MYO1C: variants seen among roughly 807,000 people sequenced by gnomAD.
MYO1C encodes the protein myosin IC, also known as unconventional myosin-Ic.
In MYO1C, 104 loss-of-function variants were observed where a neutral mutation model predicts 150.8. The ratio of observed to expected loss-of-function variants is 0.69; its 90% CI spans 0.59 to 0.81. MYO1C has a LOEUF of 0.81. MYO1C is among the 30% of genes least tolerant of loss of function. The pLI is 0.00. For missense variants in MYO1C, 1,504 were observed against 1,435.0 expected (o/e 1.05, Z -0.78); for synonymous variants, 663 against 579.9 (o/e 1.14, Z -2.06).
chr17:1,480,900 G>C lies in MYO1C; in HGVS notation c.628-15C>G. 1.9e-6 allele frequency: 3 copies of C among 1,613,392 alleles called. No homozygotes were observed. The highest frequency in any genetic ancestry group is 2.5e-6 in the Non-Finnish European group (3 of 1,179,908). On this transcript the variant is annotated splice_polypyrimidine_tract_variant and intron_variant, in intron 5 of 31. Coordinates refer to ENST00000648651, the MANE Select transcript of MYO1C (RefSeq NM_001080779.2). ...ACGGGGGCACCCTGTGGGCAGGGCA[G>C]GGCATGAGGCCGGGTCACGGGGACT... is the stretch of plus-strand genomic sequence containing the variant.
rs766246646 is a variant in MYO1C, at chr17:1,464,755, C to G, written c.*971G>C. 6.6e-6 allele frequency: 1 copy of G among 152,206 alleles called. No individual in the cohort carries two copies. Among genetic ancestry groups the G allele is most frequent in the Non-Finnish European group, 1.5e-5 (1 of 68,066 alleles). The allele number at this position is 152,206 out of a possible 1,614,324, so 9.4% of individuals were successfully genotyped here. ...GTCTTCCAACCTCTATGGTCTAAGA[C>G]GGCCTTCCCCACTCCAGCACTGCCT... On this transcript the variant is annotated 3_prime_UTR_variant, in exon 32 of 32. Coordinates refer to ENST00000648651, the MANE Select transcript of MYO1C (RefSeq NM_001080779.2).
chr17:1,478,979 T>C lies in MYO1C; in HGVS notation c.1093-244A>G, dbSNP rs1301332857. 6.6e-6 allele frequency among the ~76,000 whole-genome samples: 1 copy of C among 152,152 alleles called. No homozygotes were observed. The highest frequency in any genetic ancestry group is 1.5e-5 in the Non-Finnish European group (1 of 68,018). On this transcript the variant is annotated intron_variant, in intron 9 of 31. Coordinates refer to ENST00000648651, the MANE Select transcript of MYO1C (RefSeq NM_001080779.2). The surrounding 1 kb of genome is among the most constrained non-coding windows in gnomAD (Gnocchi z 6.3). The stretch of plus-strand genomic sequence containing the variant: ...TGGGAGTCTGGTTCTAGCCGGACTG[T>C]TACTCTCTTCCTATGTGACCCTGGC...
At position 1,484,208 on chromosome 17, in the gene MYO1C, G is replaced by A. The variant is rs1192729780; in HGVS notation, c.171C>T (p.Phe57=). ...GVQDFVLLEN[F]TSEAAFIENL... ...TCTCGATGAAGGCGGCCTCGCTGGT[G>A]AAGTTCTCCAGCAGCACGAAATCCT... is the stretch of plus-strand genomic sequence containing the variant. The change falls in exon 2 of 32, where the codon TTC becomes TTT. Residue 57 remains phenylalanine, a synonymous_variant. Transcript: ENST00000648651. 1.9e-6 allele frequency: 3 copies of A among 1,612,980 alleles called. No homozygotes were observed. The highest frequency in any genetic ancestry group is 2.5e-6 in the Non-Finnish European group (3 of 1,180,030).
At chr17:1,474,576 T>G (rs768856118) in intron 17 of MYO1C, 34 bp downstream of exon 17, 1 of 1,599,812 alleles carries the variant, frequency 6.3e-7, no homozygotes, top group Non-Finnish European at 8.6e-7. Context: ...CTCAGGCGCA[T>G]GCACCCCTGC....
At position 1,478,372 on chromosome 17, in the gene MYO1C, G is replaced by C. The variant is rs867228207; in HGVS notation, c.1295+38C>G. ...GGACAGAAGAGAGGGAGCAGGACAG[G>C]AGACCGGGAGGAGAGACGGGGGAAA... On this transcript the variant is annotated intron_variant, in intron 11 of 31. Transcript: ENST00000648651. This position sits in a 1 kb window ranked among gnomAD's most constrained non-coding sequence, Gnocchi z 6.3. 3 of 1,611,728 alleles carry C rather than the reference G, an allele frequency of 1.9e-6. No homozygotes were observed. In the Middle Eastern group the frequency reaches 5.0e-4, roughly 266 times the overall value.
In MYO1C at chr17:1,475,040, T is replaced by A. The variant is rs371291004; in HGVS notation, c.1575-8A>T. The A allele has an allele frequency of 6.5e-7, 1 of 1,550,362 alleles. No individual in the cohort carries two copies. The highest frequency in any genetic ancestry group is 2.0e-5 in the Admixed American group (1 of 50,944). ...TGGTCAGCCAGCTTGTGCCTGGGGG[T>A]GACAGGGAGGAAGCTGCAGATGGCT... is the stretch of plus-strand genomic sequence containing the variant. On this transcript the variant is annotated splice_region_variant and splice_polypyrimidine_tract_variant and intron_variant, in intron 14 of 31. Transcript: ENST00000648651.
chr17:1,485,561 TG>T, intron 1 of MYO1C: 1 of 685,086 alleles, frequency 1.5e-6, no homozygotes. Flanking sequence ...CTCCTCCCCC[TG>T]CAACTTCCCG....
intron 1 of MYO1C, chr17:1,485,486 C>A (rs2074633459): frequency 1.7e-6 from 1 of 604,192 alleles, no homozygotes; most frequent in Non-Finnish European, 2.2e-6. Context: ...CGTTCTCAGG[C>A]GTCCCCGGCG....
At chr17:1,483,574 AGAGGGGTCGCTCCCG>A in intron 3 of MYO1C, 21 bp downstream of exon 3, 3 of 1,488,420 alleles carry the variant, frequency 2.0e-6, no homozygotes, top group Non-Finnish European at 2.8e-6. Flanking sequence ...AGATGGAGAC[AGAGGGGTCGCTCCCG>A]GAGGGGCTGG....
In MYO1C at chr17:1,468,263, T is replaced by C; in HGVS notation, c.2750A>G (p.Glu917Gly). ...CAGGCAGGCTCTTACCTGAATGGGCTCAGAGCCCAAGGCCTGCAGCACTCG... is the reference window on the plus strand; with the variant it reads ...CAGGCAGGCTCTTACCTGAATGGGCCCAGAGCCCAAGGCCTGCAGCACTCG... ...SPRVLQALGS[E>G]PIQYAVPVVK... The change falls in exon 27 of 32, where the codon GAG becomes GGG. Residue 917 changes from glutamate (E) to glycine (G), a missense_variant. Transcript: ENST00000648651. The C allele has an allele frequency of 6.2e-7, 1 of 1,613,610 alleles. No individual in the cohort carries two copies. Among genetic ancestry groups the C allele is most frequent in the Non-Finnish European group, 8.5e-7 (1 of 1,179,988 alleles).
intron 17 of MYO1C, 64 bp from the exon 18 acceptor site, chr17:1,472,292 G>C (rs2074321119): frequency 7.1e-7 from 1 of 1,415,334 alleles, no homozygotes; most frequent in South Asian, 1.2e-5. Context: ...CCCCAGCAGC[G>C]AGTACCCCAC....
rs1167172625 is a variant in MYO1C at position 1,478,108 on chromosome 17, C to T, written c.1380G>A (p.Glu460=). 2 of 1,613,996 alleles carry T rather than the reference C, an allele frequency of 1.2e-6. No individual in the cohort carries two copies. Among genetic ancestry groups the T allele is most frequent in the Non-Finnish European group, 1.7e-6 (2 of 1,180,040 alleles). Residue 460 remains glutamate (E), a synonymous_variant, in exon 12 of 32, where the codon GAG becomes GAA. Transcript: ENST00000648651. The surrounding 1 kb of genome is among the most constrained non-coding windows in gnomAD (Gnocchi z 6.3). ...IELTLKSEQE[E]YEAEGIAWEP... is the part of the protein sequence containing the mutation. Reference sequence around the variant, plus strand: ...ACACCGCGATGCCCTCTGCCTCGTACTCCTCCTGCTCCGACTTGAGCGTGA... The same window carrying T: ...ACACCGCGATGCCCTCTGCCTCGTATTCCTCCTGCTCCGACTTGAGCGTGA...
In MYO1C at chr17:1,478,568, C is replaced by T. The variant is rs201857892; in HGVS notation, c.1212+48G>A. 3.0e-5 allele frequency: 49 copies of T among 1,613,890 alleles called. No individual in the cohort carries two copies. Among genetic ancestry groups the T allele is most frequent in the Middle Eastern group, 3.3e-4 (2 of 6,062 alleles). On this transcript the variant is annotated intron_variant, in intron 10 of 31. Coordinates refer to ENST00000648651, the MANE Select transcript of MYO1C (RefSeq NM_001080779.2). The surrounding 1 kb of genome is among the most constrained non-coding windows in gnomAD (Gnocchi z 6.3). ...CACCCTGCAGCACCCCCCGCCTCGCCGACGGCCCTCCCTTCTGCCTTGGGA... is the reference window on the plus strand; with the variant it reads ...CACCCTGCAGCACCCCCCGCCTCGCTGACGGCCCTCCCTTCTGCCTTGGGA...
intron 1 of MYO1C, 134 bp downstream of exon 1, chr17:1,492,279 T>TA: frequency 1.2e-6 from 1 of 852,724 alleles, no homozygotes; most frequent in Admixed American, 2.1e-5. Flanking sequence ...TCTTGTTCAG[T>TA]CTGTTCTGGC....
Position 1,478,631 on chromosome 17 carries a change from C to T in MYO1C, c.1197G>A (p.Arg399=), listed in dbSNP as rs1051934162. The part of the protein sequence containing the change: ...TFTWLVGKIN[R]SLASKDVESP... ...GAGCCCTCACCTTGGAGGCCAGCGA[C>T]CTGTTGATCTTCCCGACGAGCCAGG... Residue 399 remains arginine, a synonymous_variant, in exon 10 of 32, where the codon AGG becomes AGA. Coordinates refer to ENST00000648651, the MANE Select transcript of MYO1C (RefSeq NM_001080779.2). The surrounding 1 kb of genome is among the most constrained non-coding windows in gnomAD (Gnocchi z 6.3). 2.5e-6 allele frequency: 4 copies of T among 1,614,016 alleles called. No individual in the cohort carries two copies. The highest frequency in any genetic ancestry group is 1.6e-4 in the Middle Eastern group (1 of 6,084).
In MYO1C at chr17:1,468,461, C is replaced by T. The variant is rs1208478620; in HGVS notation, c.2646G>A (p.Lys882=). 1 of 1,613,950 alleles carries T rather than the reference C, an allele frequency of 6.2e-7. No individual in the cohort carries two copies. Among genetic ancestry groups the T allele is most frequent in the African/African-American group, 1.3e-5 (1 of 74,924 alleles). Residue 882 remains lysine, a synonymous_variant, in exon 26 of 32, where the codon AAG becomes AAA. Transcript: ENST00000648651. Reference sequence around the variant, plus strand: ...TCTGAGGGTAATTATCCTTCTTGCCCTTGAAGATCTCACTAGCCACGGCCT... The same window carrying T: ...TCTGAGGGTAATTATCCTTCTTGCCTTTGAAGATCTCACTAGCCACGGCCT... ...QQKAVASEIF[K]GKKDNYPQSV... is the part of the protein sequence containing the mutation.
rs2074208777 is a variant in MYO1C, at chr17:1,467,781, CCA to C, written c.2967+57_2967+58del. The C allele has an allele frequency of 6.5e-6, 4 of 615,272 alleles. No individual in the cohort carries two copies. In the East Asian group the frequency reaches 1.2e-4, roughly 18 times the overall value. The allele number at this position is 615,272 out of a possible 1,614,324, so 38.1% of individuals were successfully genotyped here. ...CACACCCCCTATTCCCCCATCCACC[CCA>C]CCTCCCCATCTACCTCCCCCATCCC... is the stretch of plus-strand genomic sequence containing the variant. On this transcript the variant is annotated intron_variant, in intron 29 of 31. Transcript: ENST00000648651.
intron 2 of MYO1C, 26 bp downstream of exon 2, chr17:1,484,122 C>G: frequency 6.2e-7 from 1 of 1,611,724 alleles, no homozygotes; most frequent in East Asian, 2.2e-5. Context: ...CCCAGCACCC[C>G]TGCCATCTCC....
At chr17:1,474,343 G>A (rs577604144) in intron 17 of MYO1C, among the ~76,000 whole-genome samples, 4 of 150,922 alleles carry the variant, frequency 2.7e-5, no homozygotes, top group East Asian at 2.0e-4. Context: ...CAGGAGAATC[G>A]CTTGAACCAG....
Sources: gnomAD v4.1 joint callset for allele counts (sites outside exome capture counted in the v4.1 genomes callset) on GRCh38, gnomAD v4.1.1 for gene constraint, Gnocchi (gnomAD v3.1) non-coding constraint, MANE v1.5 for transcripts, NCBI Gene and HGNC (gene_info 2026-07-23, HGNC 2026-07-21) for gene names.